The following PACRG variants were observed in gnomAD, a reference collection of about 807,000 sequenced individuals.
PACRG encodes parkin coregulated.
A neutral mutation model predicts 29.7 loss-of-function variants in PACRG; 29 were observed. That is an observed-to-expected ratio of 0.98 (90% CI 0.73 to 1.33). PACRG has a LOEUF of 1.33. Among genes scored for constraint, PACRG ranks in the 40% most tolerant of loss-of-function variants. The pLI is 0.00. For missense variants in PACRG, 279 were observed against 316.2 expected, an observed-to-expected ratio of 0.88 and a Z score of 0.89; for synonymous variants, 116 against 118.7, an observed-to-expected ratio of 0.98 and a Z score of 0.15.
chr6:163,072,203 A>G (rs1344726816), intron 3 of PACRG, among the ~76,000 whole-genome samples: 1 of 152,148 alleles, frequency 6.6e-6, no homozygotes, highest in Non-Finnish European at 1.5e-5. Context: ...TCAACAAAAT[A>G]CTAGCAAACT....
At chr6:163,269,920 AAGAAAGAAAACAAAGAAAG>A (rs1783717286) in intron 4 of PACRG, among the ~76,000 whole-genome samples, 1 of 77,518 alleles carries the variant, frequency 1.3e-5, no homozygotes, top group African/African-American at 7.2e-5. Context: ...GAAAGAAAGA[AAGAAAGAAAACAAAGAAAG>A]AAAGAAAGAA....
intron 2 of PACRG, among the ~76,000 whole-genome samples, chr6:162,921,705 A>G (rs1030129281): frequency 2.6e-5 from 4 of 152,182 alleles, no homozygotes; most frequent in Admixed American, 2.0e-4. Context: ...ATACAGAGTT[A>G]TATTTCCACA....
chr6:163,311,986 C>G (rs1336281434), intron 4 of PACRG, among the ~76,000 whole-genome samples: 1 of 152,184 alleles, frequency 6.6e-6, no homozygotes, highest in African/African-American at 2.4e-5. Context: ...GACCTTCTGA[C>G]TCATATGCCG....
intron 2 of PACRG, among the ~76,000 whole-genome samples, chr6:163,023,619 C>A (rs55893293): frequency 0.17 from 25,220 of 152,128 alleles, 2,351 homozygotes; most frequent in East Asian, 0.26. Context: ...GTCAAATGAT[C>A]GCTCTGCTTT....
chr6:162,814,311 C>T, intron 2 of PACRG, 30 bp downstream of exon 2: 1 of 1,608,738 alleles, frequency 6.2e-7, no homozygotes, highest in South Asian at 1.1e-5. Flanking sequence ...TGCCGGCCAG[C>T]TGCACCCGCT....
chr6:162,897,178 A>C (rs984816953), intron 2 of PACRG, among the ~76,000 whole-genome samples: 1 of 152,240 alleles, frequency 6.6e-6, no homozygotes, highest in Non-Finnish European at 1.5e-5. Context: ...AGAAATTTGG[A>C]ATTCCCCAAA....
intron 2 of PACRG, among the ~76,000 whole-genome samples, chr6:162,924,863 C>G (rs1483123759): frequency 1.3e-5 from 2 of 151,978 alleles, no homozygotes; most frequent in Non-Finnish European, 2.9e-5. Context: ...TCAAAAAAAT[C>G]AATCAATCCA....
At chr6:163,067,049 A>G (rs1008761547) in intron 3 of PACRG, among the ~76,000 whole-genome samples, 5 of 152,220 alleles carry the variant, frequency 3.3e-5, no homozygotes, top group Non-Finnish European at 2.9e-5. Flanking sequence ...CTTGACTGAG[A>G]GCTAAAAAGA....
At chr6:162,758,242 G>A (rs1782081923) in intron 1 of PACRG, among the ~76,000 whole-genome samples, 1 of 152,014 alleles carries the variant, frequency 6.6e-6, no homozygotes, top group Admixed American at 6.6e-5. Context: ...TTTTTAAAAT[G>A]AACTATTTGA....
intron 1 of PACRG, among the ~76,000 whole-genome samples, chr6:162,770,575 G>A (rs959088179): frequency 6.6e-6 from 1 of 151,930 alleles, no homozygotes; most frequent in African/African-American, 2.4e-5. Flanking sequence ...CCAACTGCAG[G>A]GGCAGTTTTC....
chr6:163,208,394 A>T (rs1194304114), intron 4 of PACRG, among the ~76,000 whole-genome samples: 1 of 146,898 alleles, frequency 6.8e-6, no homozygotes, highest in Non-Finnish European at 1.5e-5. Context: ...CAGAGATCAG[A>T]ATCTAAGCTA....
chr6:163,060,076 C>T (rs1021308868), intron 2 of PACRG, among the ~76,000 whole-genome samples: 1 of 151,860 alleles, frequency 6.6e-6, no homozygotes, highest in East Asian at 1.9e-4. Context: ...AACAAAACTA[C>T]AAAATACAAA....
chr6:163,020,280 G>A (rs1395058080), intron 2 of PACRG, among the ~76,000 whole-genome samples: 1 of 152,098 alleles, frequency 6.6e-6, no homozygotes, highest in Admixed American at 6.5e-5. Context: ...GAATACACCG[G>A]TCACCTTGTC....
chr6:162,945,288 A>G (rs1405570514), intron 2 of PACRG, among the ~76,000 whole-genome samples: 4 of 152,108 alleles, frequency 2.6e-5, no homozygotes, highest in East Asian at 1.9e-4. Flanking sequence ...AAAGACACAT[A>G]TAGACTGCCA....
At chr6:162,952,287 A>G (rs1270253959) in intron 2 of PACRG, among the ~76,000 whole-genome samples, 2 of 152,158 alleles carry the variant, frequency 1.3e-5, no homozygotes, top group African/African-American at 4.8e-5. Context: ...GTCTGAACCT[A>G]TTTACATCTA....
chr6:162,896,670 T>G (rs1356081473), intron 2 of PACRG, among the ~76,000 whole-genome samples: 2 of 152,258 alleles, frequency 1.3e-5, no homozygotes, highest in African/African-American at 4.8e-5. Context: ...GTGAATTATA[T>G]GAAACATGTA....
intron 4 of PACRG, among the ~76,000 whole-genome samples, chr6:163,270,916 A>G (rs1245905308): frequency 1.3e-5 from 2 of 152,166 alleles, no homozygotes; most frequent in Non-Finnish European, 2.9e-5. Flanking sequence ...GACAGAACTA[A>G]TAGGATAGAT....
chr6:162,954,196 T>C (rs994091223), intron 2 of PACRG, among the ~76,000 whole-genome samples: 6 of 152,230 alleles, frequency 3.9e-5, no homozygotes, highest in Non-Finnish European at 5.9e-5. Flanking sequence ...AGTTTGTATG[T>C]GTTGCTACTA....
intron 2 of PACRG, among the ~76,000 whole-genome samples, chr6:162,912,485 G>C (rs553503469): frequency 2.7e-4 from 41 of 152,072 alleles, no homozygotes; most frequent in African/African-American, 9.6e-4. Flanking sequence ...TGTAACTTCT[G>C]CCACTGTAGT....
Sources: allele counts gnomAD v4.1 joint callset (sites outside exome capture counted in the v4.1 genomes callset), GRCh38; gene constraint gnomAD v4.1.1; transcripts MANE v1.5; gene names NCBI Gene and HGNC (gene_info 2026-07-23, HGNC 2026-07-21).